The following TGFBR3 variants were observed in gnomAD, a reference collection of about 807,000 sequenced individuals.
TGFBR3 encodes transforming growth factor beta receptor 3.
A neutral mutation model predicts 87.9 loss-of-function variants in TGFBR3; 46 were observed. The observed-to-expected ratio is 0.52, with a 90% CI of 0.41 to 0.67. The LOEUF (loss-of-function observed/expected upper bound fraction) is 0.67, where lower values mean the gene tolerates loss of function less well. Ranked by LOEUF, TGFBR3 falls within the 30% of genes least tolerant of loss-of-function variation. The pLI, the probability that TGFBR3 is intolerant of heterozygous loss-of-function variation, is 0.00. For synonymous variants in TGFBR3, 381 were observed against 391.6 expected, an observed-to-expected ratio of 0.97 and a Z score of 0.32; for missense variants, 866 against 1,041.9, an observed-to-expected ratio of 0.83 and a Z score of 2.32.
intron 16 of TGFBR3, among the ~76,000 whole-genome samples, chr1:91,688,597 G>GA (rs984563572): frequency 1.3e-5 from 2 of 151,940 alleles, no homozygotes; most frequent in African/African-American, 4.8e-5. Context: ...TGTGTAAGCA[G>GA]AAAAAAAATC....
chr1:91,699,403 TTCTC>T (rs1023004653), intron 14 of TGFBR3, among the ~76,000 whole-genome samples: 9 of 150,286 alleles, frequency 6.0e-5, no homozygotes, highest in Non-Finnish European at 8.9e-5. Flanking sequence ...TACCTCCTAG[TTCTC>T]TCTCTCTTTT....
intron 8 of TGFBR3, among the ~76,000 whole-genome samples, chr1:91,721,236 AC>A (rs1672357770): frequency 6.6e-6 from 1 of 152,180 alleles, no homozygotes; most frequent in Admixed American, 6.5e-5. Flanking sequence ...TTGTACTTTC[AC>A]GAAAACCTTC....
chr1:91,681,472 C>A lies in TGFBR3; in HGVS notation c.*2267G>T, dbSNP rs1222498094. The A allele has an allele frequency of 8.5e-6, 3 of 351,128 alleles. No individual in the cohort carries two copies. The highest frequency in any genetic ancestry group is 1.1e-5 in the Non-Finnish European group (2 of 185,122). 21.8% of individuals were successfully genotyped at this position (351,128 alleles called of 1,614,324 possible). On this transcript the variant is annotated 3_prime_UTR_variant, in exon 17 of 17. Transcript: ENST00000212355. ...ATTAATTTTAAATTATTTATAAAATCATTGGCAATGTAGCATCTCTCTTAA... is the reference window on the plus strand; with the variant it reads ...ATTAATTTTAAATTATTTATAAAATAATTGGCAATGTAGCATCTCTCTTAA...
intron 16 of TGFBR3, among the ~76,000 whole-genome samples, chr1:91,684,089 A>G (rs1298478256): frequency 6.6e-6 from 1 of 152,222 alleles, no homozygotes; most frequent in African/African-American, 2.4e-5. Context: ...CAGCTGACTG[A>G]CAGGCAGCTC....
At chr1:91,890,557 C>T (rs555882995), upstream of TGFBR3, among the ~76,000 whole-genome samples, 1 of 151,278 alleles carries the variant, frequency 6.6e-6, no homozygotes, top group African/African-American at 2.4e-5. Flanking sequence ...GTAGCTGGGA[C>T]TAAAGGCACA....
chr1:91,820,950 G>A (rs1676426631), intron 2 of TGFBR3, among the ~76,000 whole-genome samples: 2 of 152,108 alleles, frequency 1.3e-5, no homozygotes, highest in Admixed American at 1.3e-4. Context: ...TGCTAGAGAC[G>A]GGTTGGAGAC....
chr1:91,869,408 T>C (rs1028671813), intron 1 of TGFBR3, among the ~76,000 whole-genome samples: 4 of 152,192 alleles, frequency 2.6e-5, no homozygotes, highest in East Asian at 1.9e-4. Context: ...CTCACACCTG[T>C]AATCACAGCA....
rs1291605759 is a variant in TGFBR3 at position 91,904,543 on chromosome 1, C to T, written c.-175+1283G>A. ...TCCCAGGTAGCTGGGATTACAGACG[C>T]GTGCCACCACATGCAGCTGATTTTT... On this transcript the variant is annotated intron_variant, in intron 1 of 17. Coordinates refer to the TGFBR3 transcript ENST00000370399. Among the ~76,000 whole-genome samples the T allele has an allele frequency of 4.0e-5, 6 of 149,524 alleles. No homozygotes were observed. In the East Asian group the frequency reaches 7.9e-4, roughly 20 times the overall value.
chr1:91,712,610 C>T, intron 12 of TGFBR3, 68 bp from the exon 13 acceptor site: 1 of 1,488,136 alleles, frequency 6.7e-7, no homozygotes. Context: ...GGCACAAGGA[C>T]CATATGCCAA....
chr1:91,894,304 T>C (rs1679509008), intron 2 of TGFBR3, among the ~76,000 whole-genome samples: 1 of 152,208 alleles, frequency 6.6e-6, no homozygotes, highest in African/African-American at 2.4e-5. Context: ...AATTGCAGCC[T>C]CAGATTTCTT....
intron 2 of TGFBR3, among the ~76,000 whole-genome samples, chr1:91,858,240 GC>G (rs1390872893): frequency 6.6e-6 from 1 of 152,108 alleles, no homozygotes; most frequent in South Asian, 2.1e-4. Context: ...GCTAAATTCA[GC>G]TCATCCAGAA....
chr1:91,728,363 C>T (rs772139607), intron 6 of TGFBR3, among the ~76,000 whole-genome samples: 6 of 152,096 alleles, frequency 3.9e-5, no homozygotes, highest in African/African-American at 4.8e-5. Context: ...TTAACAATTG[C>T]TACAGAATCG....
intron 4 of TGFBR3, among the ~76,000 whole-genome samples, chr1:91,746,580 A>G (rs1673355540): frequency 6.6e-6 from 1 of 152,158 alleles, no homozygotes; most frequent in African/African-American, 2.4e-5. Flanking sequence ...TTGTCCTCCA[A>G]ATGTGCTCCT....
chr1:91,764,751 C>G (rs1178188678), intron 3 of TGFBR3, among the ~76,000 whole-genome samples: 2 of 152,180 alleles, frequency 1.3e-5, no homozygotes, highest in African/African-American at 2.4e-5. Flanking sequence ...GTACTGTGTA[C>G]ATCACTAACA....
intron 2 of TGFBR3, among the ~76,000 whole-genome samples, chr1:91,897,189 T>C (rs541508835): frequency 5.4e-4 from 82 of 152,352 alleles, no homozygotes; most frequent in Non-Finnish European, 8.1e-4. Flanking sequence ...AATAGCACTC[T>C]GCAGCTCCAC....
intron 2 of TGFBR3, among the ~76,000 whole-genome samples, chr1:91,814,070 G>A (rs1676118892): frequency 6.6e-6 from 1 of 152,122 alleles, no homozygotes; most frequent in Non-Finnish European, 1.5e-5. Flanking sequence ...CTGGGGGTGG[G>A]GACCCCTGCT....
chr1:91,878,081 C>T (rs1400570657), intron 1 of TGFBR3, among the ~76,000 whole-genome samples: 1 of 152,046 alleles, frequency 6.6e-6, no homozygotes, highest in Non-Finnish European at 1.5e-5. Context: ...GCCAACTGCA[C>T]AAAATCTAAT....
In TGFBR3 at chr1:91,716,561, C is replaced by A; in HGVS notation, c.1707+7G>T. ...CCACAAACCCCCTACTGATAACAAA[C>A]ACATACCACCACGATTTCAGGTCGG... On this transcript the variant is annotated splice_region_variant and intron_variant, in intron 11 of 16. Coordinates refer to ENST00000212355, the MANE Select transcript of TGFBR3 (RefSeq NM_003243.5). The A allele has an allele frequency of 6.2e-7, 1 of 1,614,044 alleles. No homozygotes were observed. The highest frequency in any genetic ancestry group is 1.1e-5 in the South Asian group (1 of 91,074).
At chr1:91,684,492 G>A (rs916937045) in intron 16 of TGFBR3, among the ~76,000 whole-genome samples, 3 of 152,330 alleles carry the variant, frequency 2.0e-5, no homozygotes, top group Admixed American at 6.5e-5. Flanking sequence ...GGGGACTGCA[G>A]TTGCCAGCGA....
Sources: gnomAD v4.1 joint callset for allele counts (sites outside exome capture counted in the v4.1 genomes callset) on GRCh38, gnomAD v4.1.1 for gene constraint, MANE v1.5 for transcripts, NCBI Gene and HGNC (gene_info 2026-07-23, HGNC 2026-07-21) for gene names.